IGSF10: variants seen among roughly 807,000 people sequenced by gnomAD.
IGSF10 encodes immunoglobulin superfamily member 10.
IGSF10 carries 126 observed loss-of-function variants against 128.2 expected under a neutral mutation model. That is an observed-to-expected ratio of 0.98 (90% CI 0.85 to 1.14). IGSF10 has a LOEUF of 1.14. IGSF10 is among the 50% of genes most tolerant of loss of function. The pLI, the probability that IGSF10 is intolerant of heterozygous loss-of-function variation, is 0.00. For missense variants in IGSF10, 3,295 were observed against 3,149.8 expected (o/e 1.05, Z -1.10); for synonymous variants, 1,185 against 1,146.2 (o/e 1.03, Z -0.68).
chr3:151,498,702 G>C, the IGSF10 span, among the ~76,000 whole-genome samples: 5 of 152,072 alleles, frequency 3.3e-5, no homozygotes, highest in Admixed American at 2.0e-4. Context: ...CATTTTTACT[G>C]GGAAATGAAC....
the IGSF10 span, among the ~76,000 whole-genome samples, chr3:151,500,733 C>T: frequency 6.6e-6 from 1 of 152,136 alleles, no homozygotes; most frequent in African/African-American, 2.4e-5. Flanking sequence ...TTGTCCATCA[C>T]ATTTGCACGT....
At chr3:151,449,995 A>C (rs1253187088) in intron 5 of IGSF10, among the ~76,000 whole-genome samples, 1 of 152,212 alleles carries the variant, frequency 6.6e-6, no homozygotes, top group Non-Finnish European at 1.5e-5. Context: ...AGGTAGATGC[A>C]CTAGAGCAGG....
At chr3:151,488,581 A>T in the IGSF10 span, among the ~76,000 whole-genome samples, 3 of 152,200 alleles carry the variant, frequency 2.0e-5, no homozygotes, top group Admixed American at 6.5e-5. Flanking sequence ...CTATACTACA[A>T]GTCTACAGTA....
At chr3:151,610,230 A>T in the IGSF10 span, among the ~76,000 whole-genome samples, 1 of 152,196 alleles carries the variant, frequency 6.6e-6, no homozygotes, top group East Asian at 1.9e-4. Flanking sequence ...CATATCTGAT[A>T]TCTAACTTCC....
At chr3:151,465,216 A>AT (rs1199577890), upstream of IGSF10, among the ~76,000 whole-genome samples, 1 of 152,244 alleles carries the variant, frequency 6.6e-6, no homozygotes, top group Non-Finnish European at 1.5e-5. Context: ...TGAATCTCAC[A>AT]TTTTTGTTAG....
intron 5 of IGSF10, 63 bp from the exon 6 acceptor site, chr3:151,449,328 T>G (rs1721399035): frequency 7.1e-6 from 10 of 1,411,568 alleles, no homozygotes; most frequent in Non-Finnish European, 9.5e-6. Context: ...ACAAACATTT[T>G]GAAGAAATAG....
At chr3:151,474,557 G>A in the IGSF10 span, among the ~76,000 whole-genome samples, 18 of 152,070 alleles carry the variant, frequency 1.2e-4, no homozygotes, top group South Asian at 6.2e-4. Context: ...GTCCTTAGTC[G>A]CTCTCACACT....
chr3:151,524,606 A>T, the IGSF10 span, among the ~76,000 whole-genome samples: 1 of 152,126 alleles, frequency 6.6e-6, no homozygotes, highest in African/African-American at 2.4e-5. Context: ...AGAAGGAAAC[A>T]ACAGACACTG....
chr3:151,520,790 G>A, the IGSF10 span, among the ~76,000 whole-genome samples: 1 of 151,618 alleles, frequency 6.6e-6, no homozygotes, highest in Non-Finnish European at 1.5e-5. Context: ...TTAAACATAA[G>A]ACCAGTGTCC....
the IGSF10 span, among the ~76,000 whole-genome samples, chr3:151,580,894 T>C: frequency 6.6e-6 from 1 of 152,324 alleles, no homozygotes; most frequent in Non-Finnish European, 1.5e-5. Flanking sequence ...TTATGGTATC[T>C]ATTGTCTTCT....
the IGSF10 span, among the ~76,000 whole-genome samples, chr3:151,514,816 C>T: frequency 5.9e-5 from 9 of 152,132 alleles, no homozygotes; most frequent in African/African-American, 1.9e-4. Flanking sequence ...AGGATATGAA[C>T]AGACACTTCT....
At chr3:151,590,081 C>A in the IGSF10 span, among the ~76,000 whole-genome samples, 5 of 152,142 alleles carry the variant, frequency 3.3e-5, no homozygotes, top group African/African-American at 9.6e-5. Flanking sequence ...CTCTATGGCC[C>A]AGGCTGGAGT....
At chr3:151,577,968 C>T in the IGSF10 span, among the ~76,000 whole-genome samples, 1 of 152,084 alleles carries the variant, frequency 6.6e-6, no homozygotes, top group Non-Finnish European at 1.5e-5. Context: ...AATAGCCCAT[C>T]CTCTGCAAGT....
the IGSF10 span, among the ~76,000 whole-genome samples, chr3:151,484,798 G>A: frequency 1.1e-3 from 166 of 151,102 alleles, 2 homozygotes; most frequent in Middle Eastern, 0.014. Flanking sequence ...ACATCCAAAG[G>A]TCTCTGACTT....
intron 6 of IGSF10, 33 bp from the exon 7 acceptor site, chr3:151,443,917 GTCA>G (rs1253445080): frequency 6.7e-7 from 1 of 1,486,628 alleles, no homozygotes; most frequent in Non-Finnish European, 9.1e-7. Flanking sequence ...ATTGCTACGG[GTCA>G]TCAAAGTTTA....
In IGSF10 at chr3:151,438,000, A is replaced by C; in HGVS notation, c.6561T>G (p.Ile2187Met). The stretch of plus-strand genomic sequence containing the variant: ...CATTGGCATGAAATGTGTACCTATC[A>C]ATGGAGAAGGAAATCATGTCATTGG... ...LPSNDMISFS[I>M]DRYTFHANGS... The change falls in exon 8 of 8, where the codon ATT (isoleucine) becomes ATG (methionine). Residue 2187 changes from isoleucine (I) to methionine (M), a missense_variant. Physicochemically the swap from Ile to Met is conservative, Grantham distance 10. Transcript: ENST00000282466. The C allele has an allele frequency of 6.2e-7, 1 of 1,614,206 alleles. No individual in the cohort carries two copies. The highest frequency in any genetic ancestry group is 8.5e-7 in the Non-Finnish European group (1 of 1,180,026).
At chr3:151,489,272 G>A in the IGSF10 span, among the ~76,000 whole-genome samples, 1 of 152,166 alleles carries the variant, frequency 6.6e-6, no homozygotes, top group Non-Finnish European at 1.5e-5. Flanking sequence ...AAACCACAAT[G>A]AGATACCATC....
downstream of IGSF10, chr3:151,435,588 G>A (rs1215536136): frequency 6.6e-6 from 1 of 150,676 alleles, no homozygotes; most frequent in Non-Finnish European, 1.5e-5. Flanking sequence ...TAAGACCTAT[G>A]GCATTTTTTT....
the IGSF10 span, among the ~76,000 whole-genome samples, chr3:151,534,158 C>T: frequency 6.6e-6 from 1 of 152,110 alleles, no homozygotes; most frequent in Non-Finnish European, 1.5e-5. Context: ...CAGGAAACAA[C>T]AGATGCTGGA....
Sources: allele counts gnomAD v4.1 joint callset (sites outside exome capture counted in the v4.1 genomes callset), GRCh38; gene constraint gnomAD v4.1.1; transcripts MANE v1.5; gene names NCBI Gene and HGNC (gene_info 2026-07-23, HGNC 2026-07-21).